Variants in CNBD1 observed in about 807,000 individuals in gnomAD.
CNBD1 encodes the protein cyclic nucleotide binding domain containing 1, also known as cyclic nucleotide-binding domain-containing protein 1.
CNBD1 carries 71 observed loss-of-function variants against 54.4 expected under a neutral mutation model. That is an observed-to-expected ratio of 1.30 (90% CI 1.08 to 1.59). CNBD1 has a LOEUF of 1.59. Ranked by LOEUF, CNBD1 falls within the 40% of genes most tolerant of loss-of-function variation. CNBD1 has a pLI of 0.00. For synonymous variants in CNBD1, 182 were observed against 170.7 expected (o/e 1.07, Z -0.51); for missense variants, 659 against 518.0 (o/e 1.27, Z -2.64).
intron 8 of CNBD1, among the ~76,000 whole-genome samples, chr8:87,347,097 A>G (rs1810190480): frequency 2.0e-5 from 3 of 152,162 alleles, no homozygotes; most frequent in South Asian, 4.1e-4. Context: ...TTTCACACGT[A>G]CTTTGCTACT....
intron 8 of CNBD1, among the ~76,000 whole-genome samples, chr8:87,324,440 T>C (rs368253424): frequency 0.21 from 27,327 of 129,888 alleles, 3,889 homozygotes; most frequent in Middle Eastern, 0.35. Flanking sequence ...TCCTGGGCTC[T>C]TTTTGGTTGG....
In CNBD1 at chr8:86,883,747, G is replaced by T. The variant is rs146828724; in HGVS notation, c.89-3795G>T. Reference sequence around the variant, plus strand: ...AAAAATATGAAGAAGATTAATTATAGTAGATGGAAGAGTAAATTTGGGTTG... The same window carrying T: ...AAAAATATGAAGAAGATTAATTATATTAGATGGAAGAGTAAATTTGGGTTG... On this transcript the variant is annotated intron_variant, in intron 1 of 10. Transcript: ENST00000518476. Among the ~76,000 whole-genome samples, 928 of 152,240 alleles carry T rather than the reference G, an allele frequency of 6.1e-3. 14 individuals are homozygous for T. Among genetic ancestry groups the T allele is most frequent in the African/African-American group, 0.021 (854 of 41,524 alleles).
chr8:87,050,070 A>C (rs760680232), intron 4 of CNBD1, among the ~76,000 whole-genome samples: 7 of 152,172 alleles, frequency 4.6e-5, no homozygotes, highest in Non-Finnish European at 1.0e-4. Flanking sequence ...TAGCTAGTTA[A>C]AGGATTTTTG....
intron 10 of CNBD1, among the ~76,000 whole-genome samples, chr8:87,375,348 C>T (rs74834674): frequency 0.055 from 8,324 of 151,756 alleles, 263 homozygotes; most frequent in African/African-American, 0.063. Flanking sequence ...TGGAATTTAG[C>T]ACATTTCAAA....
intron 2 of CNBD1, among the ~76,000 whole-genome samples, chr8:86,891,738 C>T (rs1193397374): frequency 6.6e-6 from 1 of 151,844 alleles, no homozygotes; most frequent in Non-Finnish European, 1.5e-5. Flanking sequence ...CTTCTATTTA[C>T]GTTTTCAATT....
At chr8:87,314,700 T>A (rs1449653577) in intron 8 of CNBD1, among the ~76,000 whole-genome samples, 1 of 151,924 alleles carries the variant, frequency 6.6e-6, no homozygotes, top group Non-Finnish European at 1.5e-5. Context: ...TGAGGTAAAA[T>A]CTTGCAAGAT....
chr8:87,165,035 C>T (rs1812933241), intron 4 of CNBD1, among the ~76,000 whole-genome samples: 1 of 151,424 alleles, frequency 6.6e-6, no homozygotes, highest in South Asian at 2.1e-4. Flanking sequence ...TTCTTTTACC[C>T]ATTGGTTGTT....
chr8:87,290,060 A>G (rs1342522446), intron 8 of CNBD1, among the ~76,000 whole-genome samples: 1 of 152,116 alleles, frequency 6.6e-6, no homozygotes, highest in Non-Finnish European at 1.5e-5. Flanking sequence ...CTTACCATAT[A>G]AATTTCAATT....
At chr8:87,213,189 G>T (rs1814137663) in intron 5 of CNBD1, among the ~76,000 whole-genome samples, 1 of 152,096 alleles carries the variant, frequency 6.6e-6, no homozygotes, top group Admixed American at 6.5e-5. Flanking sequence ...AAATATAAAA[G>T]AAAGTATTAA....
intron 3 of CNBD1, among the ~76,000 whole-genome samples, chr8:86,907,722 A>G (rs189158284): frequency 1.3e-5 from 2 of 152,160 alleles, no homozygotes; most frequent in African/African-American, 4.8e-5. Flanking sequence ...AATTAAATAG[A>G]ATTTCCTAAA....
chr8:87,239,081 A>T (rs779908573), intron 6 of CNBD1, among the ~76,000 whole-genome samples: 1 of 152,284 alleles, frequency 6.6e-6, no homozygotes, highest in East Asian at 1.9e-4. Flanking sequence ...ATGGATTTGT[A>T]TTGCTAGCTG....
chr8:86,909,010 C>G (rs1005480924), intron 3 of CNBD1, among the ~76,000 whole-genome samples: 16 of 152,080 alleles, frequency 1.1e-4, no homozygotes, highest in African/African-American at 3.6e-4. Context: ...CCCGCCTTGG[C>G]CTCTCAAAGT....
chr8:87,058,545 G>A (rs914777900), intron 4 of CNBD1, among the ~76,000 whole-genome samples: 6 of 152,154 alleles, frequency 3.9e-5, no homozygotes, highest in African/African-American at 1.4e-4. Flanking sequence ...TGAAATCTAG[G>A]TGGAGGTTCC....
intron 4 of CNBD1, among the ~76,000 whole-genome samples, chr8:87,174,193 C>T (rs934499665): frequency 1.3e-5 from 2 of 151,962 alleles, no homozygotes; most frequent in Admixed American, 6.6e-5. Flanking sequence ...CTCTTGACCT[C>T]GTTATCTGCC....
intron 4 of CNBD1, among the ~76,000 whole-genome samples, chr8:86,953,875 A>T (rs990351750): frequency 2.4e-4 from 35 of 144,396 alleles, no homozygotes; most frequent in Admixed American, 2.1e-3. Context: ...TCAAAAAAAT[A>T]AAAAAATCCT....
Position 87,055,439 on chromosome 8 carries a change from C to A in CNBD1, c.431+115685C>A, listed in dbSNP as rs115090902. Among the ~76,000 whole-genome samples, 1,511 of 152,236 alleles carry A rather than the reference C, an allele frequency of 9.9e-3. 23 individuals carry two copies. The highest frequency in any genetic ancestry group is 0.033 in the African/African-American group (1,388 of 41,524). Reference sequence around the variant, plus strand: ...TGGGTTTGCTTTAGGTAAGTCCCCCCCTTCCCTCCCTGTGCAAGCTCCCAT... The same window carrying A: ...TGGGTTTGCTTTAGGTAAGTCCCCCACTTCCCTCCCTGTGCAAGCTCCCAT... On this transcript the variant is annotated intron_variant, in intron 4 of 10. Coordinates refer to ENST00000518476, the MANE Select transcript of CNBD1 (RefSeq NM_173538.3).
chr8:87,001,741 C>T (rs1808997727), intron 4 of CNBD1, among the ~76,000 whole-genome samples: 1 of 152,038 alleles, frequency 6.6e-6, no homozygotes, highest in African/African-American at 2.4e-5. Flanking sequence ...TTGAATATTT[C>T]AAAGTGTTTT....
At chr8:87,183,385 G>GTTTTTTTTT (rs3056356) in intron 4 of CNBD1, among the ~76,000 whole-genome samples, 1 of 118,426 alleles carries the variant, frequency 8.4e-6, no homozygotes, top group African/African-American at 3.1e-5. Context: ...TGCGCTGTTT[G>GTTTTTTTTT]TTTTTTTTTT....
chr8:87,177,471 G>GT (rs1454981410), intron 4 of CNBD1, among the ~76,000 whole-genome samples: 1 of 152,170 alleles, frequency 6.6e-6, no homozygotes, highest in Non-Finnish European at 1.5e-5. Context: ...TAATACTGAA[G>GT]TTTTTTTATT....
Sources: allele counts gnomAD v4.1 joint callset (sites outside exome capture counted in the v4.1 genomes callset), GRCh38; gene constraint gnomAD v4.1.1; transcripts MANE v1.5; gene names NCBI Gene and HGNC (gene_info 2026-07-23, HGNC 2026-07-21).